Variants in SAMD3 observed in about 807,000 individuals in gnomAD.
SAMD3 encodes the protein sterile alpha motif domain-containing protein 3.
A neutral mutation model predicts 58.5 loss-of-function variants in SAMD3; 63 were observed. The observed-to-expected ratio is 1.08, with a 90% CI of 0.88 to 1.33. The LOEUF (loss-of-function observed/expected upper bound fraction) is 1.33, where lower values mean the gene tolerates loss of function less well. SAMD3 is among the 40% of genes most tolerant of loss of function. The probability of loss-of-function intolerance (pLI) is 0.00; values close to 1 mark genes in which losing one functional copy is unlikely to be tolerated. For missense variants in SAMD3, 604 were observed against 608.4 expected (o/e 0.99, Z 0.08); for synonymous variants, 220 against 210.3 (o/e 1.05, Z -0.40).
At chr6:130,160,703 G>A (rs895205969) in intron 8 of SAMD3, 1 of 152,136 alleles carries the variant, frequency 6.6e-6, no homozygotes, top group Non-Finnish European at 1.5e-5. Flanking sequence ...TGCAGAGATA[G>A]AGATTTGATA....
At chr6:130,184,268 T>C in intron 6 of SAMD3, 81 bp from the exon 7 acceptor site, 1 of 1,276,880 alleles carries the variant, frequency 7.8e-7, no homozygotes, top group Non-Finnish European at 1.1e-6. Context: ...ATTACACTCA[T>C]TTTTCTTCAC....
intron 1 of SAMD3, among the ~76,000 whole-genome samples, chr6:130,335,282 C>T (rs1777065326): frequency 6.6e-6 from 1 of 152,182 alleles, no homozygotes; most frequent in Non-Finnish European, 1.5e-5. Flanking sequence ...GCCCTGATCC[C>T]AACCAACACT....
chr6:130,292,652 T>C (rs1319371965), intron 2 of SAMD3, among the ~76,000 whole-genome samples: 1 of 149,276 alleles, frequency 6.7e-6, no homozygotes, highest in Non-Finnish European at 1.5e-5. Flanking sequence ...AGAGTCTCGC[T>C]CTGTCGCCCA....
At chr6:130,165,153 G>A (rs946148065) in intron 8 of SAMD3, among the ~76,000 whole-genome samples, 1 of 152,128 alleles carries the variant, frequency 6.6e-6, no homozygotes, top group African/African-American at 2.4e-5. Context: ...TACATTGTAA[G>A]AACTTGGAAT....
intron 1 of SAMD3, among the ~76,000 whole-genome samples, chr6:130,319,463 T>G (rs970133846): frequency 2.0e-5 from 3 of 151,038 alleles, no homozygotes; most frequent in Non-Finnish European, 3.0e-5. Flanking sequence ...ATGAAAACAA[T>G]GCAAACTAGA....
chr6:130,236,635 G>A (rs996697501), intron 2 of SAMD3, among the ~76,000 whole-genome samples: 4 of 152,098 alleles, frequency 2.6e-5, no homozygotes, highest in Non-Finnish European at 5.9e-5. Flanking sequence ...ACCCATCATG[G>A]CCTCTCAAAG....
At chr6:130,175,600 T>C (rs770367623) in intron 8 of SAMD3, among the ~76,000 whole-genome samples, 1 of 152,186 alleles carries the variant, frequency 6.6e-6, no homozygotes, top group Non-Finnish European at 1.5e-5. Flanking sequence ...TTTGAAGTTT[T>C]TGAAGGTTGT....
At chr6:130,146,268 G>T in intron 9 of SAMD3, 87 bp from the exon 10 acceptor site, 3 of 784,306 alleles carry the variant, frequency 3.8e-6, no homozygotes, top group East Asian at 3.0e-5. Context: ...TTAGAATTAA[G>T]CTTTGAATGC....
intron 1 of SAMD3, among the ~76,000 whole-genome samples, chr6:130,351,051 C>T (rs1777642496): frequency 6.6e-6 from 1 of 152,104 alleles, no homozygotes; most frequent in African/African-American, 2.4e-5. Flanking sequence ...GGATCCCTTC[C>T]TTACACCTTA....
intron 2 of SAMD3, among the ~76,000 whole-genome samples, chr6:130,242,220 G>A (rs1773383721): frequency 6.6e-6 from 1 of 152,012 alleles, no homozygotes; most frequent in Non-Finnish European, 1.5e-5. Flanking sequence ...TTCTATAAAG[G>A]GCCAAAGAAT....
chr6:130,153,501 A>T (rs1459524744), intron 9 of SAMD3, among the ~76,000 whole-genome samples: 2 of 151,868 alleles, frequency 1.3e-5, no homozygotes, highest in African/African-American at 4.8e-5. Flanking sequence ...GAATTTCTCC[A>T]TGAAATATGT....
rs955944026 is a variant in SAMD3 at position 130,167,290 on chromosome 6, G to A, written c.822+8551C>T. On this transcript the variant is annotated intron_variant, in intron 8 of 11. Transcript: ENST00000439090. ...AACAAACAAAAAATACATATGAAACGCTTTAAAATGGTTTCCTACAGTCAG... is the reference window on the plus strand; with the variant it reads ...AACAAACAAAAAATACATATGAAACACTTTAAAATGGTTTCCTACAGTCAG... 2.0e-5 allele frequency among the ~76,000 whole-genome samples: 3 copies of A among 152,006 alleles called. No individual in the cohort carries two copies. In the South Asian group the frequency reaches 6.2e-4, roughly 32 times the overall value.
chr6:130,325,291 G>C (rs1421617499), intron 1 of SAMD3, among the ~76,000 whole-genome samples: 4 of 152,164 alleles, frequency 2.6e-5, no homozygotes, highest in East Asian at 1.9e-4. Flanking sequence ...AGCTAAGGAA[G>C]CTGTGTGAGG....
intron 2 of SAMD3, 55 bp from the exon 3 acceptor site, chr6:130,215,349 A>G (rs1305672112): frequency 1.7e-6 from 2 of 1,186,652 alleles, no homozygotes; most frequent in Non-Finnish European, 2.3e-6. Flanking sequence ...TTGTGCCTTA[A>G]TTTTTTTTTT....
intron 2 of SAMD3, among the ~76,000 whole-genome samples, chr6:130,265,257 G>A (rs2114928503): frequency 6.6e-6 from 1 of 152,222 alleles, no homozygotes; most frequent in Admixed American, 6.5e-5. Flanking sequence ...TTATTCTAGT[G>A]GGCCCAACCT....
intron 2 of SAMD3, among the ~76,000 whole-genome samples, chr6:130,311,440 A>G (rs893742577): frequency 4.6e-5 from 7 of 152,188 alleles, no homozygotes; most frequent in African/African-American, 1.7e-4. Flanking sequence ...GTGTGCCCAT[A>G]GAGCAGTATT....
chr6:130,191,290 T>C (rs1490284655), intron 5 of SAMD3, among the ~76,000 whole-genome samples: 1 of 152,160 alleles, frequency 6.6e-6, no homozygotes, highest in East Asian at 1.9e-4. Context: ...AGAGGAGAGT[T>C]ACTGCTTCCT....
At chr6:130,226,307 C>CA (rs1347982172), upstream of SAMD3, among the ~76,000 whole-genome samples, 1 of 152,132 alleles carries the variant, frequency 6.6e-6, no homozygotes, top group Non-Finnish European at 1.5e-5. Flanking sequence ...GATTCCTAAG[C>CA]CCTTTCTTAG....
rs952801701 is a variant in SAMD3, at chr6:130,348,238, A to T, written c.-304+16882T>A. Among the ~76,000 whole-genome samples, 406 of 152,330 alleles carry T rather than the reference A, an allele frequency of 2.7e-3. 4 individuals carry two copies. Among genetic ancestry groups the T allele is most frequent in the African/African-American group, 9.4e-3 (390 of 41,566 alleles). On this transcript the variant is annotated intron_variant, in intron 1 of 13. Transcript: ENST00000368134. ...ATTCACACATAACAATATTAACCTT[A>T]AATGTAAATGGATTAAATGCTCCAA...
Sources: gnomAD v4.1 joint callset for allele counts (sites outside exome capture counted in the v4.1 genomes callset) on GRCh38, gnomAD v4.1.1 for gene constraint, MANE v1.5 for transcripts, NCBI Gene and HGNC (gene_info 2026-07-23, HGNC 2026-07-21) for gene names.